The following ANKRD17 variants were observed in gnomAD, a reference collection of about 807,000 sequenced individuals.
The protein encoded by ANKRD17 is ankyrin repeat domain-containing protein 17.
A neutral mutation model predicts 229.7 loss-of-function variants in ANKRD17; 19 were observed. The observed-to-expected ratio is 0.08, with a 90% CI of 0.06 to 0.12. The LOEUF is 0.12. Ranked by LOEUF, ANKRD17 falls within the 10% of genes least tolerant of loss-of-function variation. ANKRD17 has a pLI of 1.00. For missense variants in ANKRD17, 2,176 were observed against 3,176.8 expected, an observed-to-expected ratio of 0.68 and a Z score of 7.57; for synonymous variants, 1,112 against 1,146.1, an observed-to-expected ratio of 0.97 and a Z score of 0.60.
chr4:73,135,298 T>G, intron 15 of ANKRD17, 33 bp from the exon 16 acceptor site: 3 of 1,588,042 alleles, frequency 1.9e-6, no homozygotes, highest in Non-Finnish European at 2.6e-6. Flanking sequence ...TTAATAAGGA[T>G]GAAACATTGT....
intron 1 of ANKRD17, among the ~76,000 whole-genome samples, chr4:73,247,743 T>C (rs1397755942): frequency 6.6e-6 from 1 of 152,000 alleles, no homozygotes; most frequent in African/African-American, 2.4e-5. Flanking sequence ...AAGACTCATC[T>C]CTTCAATTGA....
At chr4:73,130,928 A>G (rs1395651374) in intron 16 of ANKRD17, among the ~76,000 whole-genome samples, 1 of 152,340 alleles carries the variant, frequency 6.6e-6, no homozygotes, top group South Asian at 2.1e-4. Context: ...AAATCTCTAC[A>G]TAATTCCTCA....
chr4:73,257,834 A>G (rs1745594718), intron 1 of ANKRD17, among the ~76,000 whole-genome samples: 1 of 151,790 alleles, frequency 6.6e-6, no homozygotes, highest in Admixed American at 6.6e-5. Flanking sequence ...CCACCTCACA[A>G]CTGGGAGAAG....
intron 1 of ANKRD17, among the ~76,000 whole-genome samples, chr4:73,209,979 A>G (rs1441983600): frequency 6.6e-6 from 1 of 152,174 alleles, no homozygotes; most frequent in Non-Finnish European, 1.5e-5. Context: ...ACTACAGGTA[A>G]CAGAATACTT....
At chr4:73,114,590 CAT>C (rs1298280241) in intron 23 of ANKRD17, among the ~76,000 whole-genome samples, 1 of 152,172 alleles carries the variant, frequency 6.6e-6, no homozygotes, top group African/African-American at 2.4e-5. Flanking sequence ...CTCCCAAGTA[CAT>C]GAGACTAATG....
In ANKRD17 at chr4:73,093,394, T is replaced by TTTTTG. The variant is rs1722975198; in HGVS notation, c.5327+684_5327+685insCAAAA. On this transcript the variant is annotated intron_variant, in intron 28 of 33. Coordinates refer to ENST00000358602, the MANE Select transcript of ANKRD17 (RefSeq NM_032217.5). ...TCAAATTCTTTTTTTTTTTTTTTTT[T>TTTTTG]TTGAGGGAGTTTCACTCTTGTTGCC... 2.0e-5 allele frequency among the ~76,000 whole-genome samples: 3 copies of TTTTTG among 150,506 alleles called. No individual in the cohort carries two copies. In the South Asian group the frequency reaches 6.4e-4, roughly 32 times the overall value.
At chr4:73,116,046 A>G in intron 22 of ANKRD17, 130 bp from the exon 23 acceptor site, 1 of 697,040 alleles carries the variant, frequency 1.4e-6, no homozygotes, top group South Asian at 2.0e-5. Flanking sequence ...TACACTATAA[A>G]TGAAAAAGAG....
chr4:73,174,410 A>T (rs1279119920), intron 2 of ANKRD17, among the ~76,000 whole-genome samples: 2 of 152,206 alleles, frequency 1.3e-5, no homozygotes, highest in East Asian at 3.9e-4. Flanking sequence ...CCTTTAGCAA[A>T]ACTGGCAGAG....
At chr4:73,116,168 A>C (rs1458497021) in intron 22 of ANKRD17, among the ~76,000 whole-genome samples, 1 of 152,106 alleles carries the variant, frequency 6.6e-6, no homozygotes, top group East Asian at 1.9e-4. Flanking sequence ...AATAAAAAAA[A>C]CAATAATCCC....
chr4:73,145,066 A>G (rs901634494), intron 10 of ANKRD17, among the ~76,000 whole-genome samples: 1 of 152,180 alleles, frequency 6.6e-6, no homozygotes, highest in Non-Finnish European at 1.5e-5. Context: ...CACTGGAAAT[A>G]ATTTTAAATT....
At chr4:73,151,321 G>T in intron 7 of ANKRD17, 109 bp downstream of exon 7, 1 of 931,266 alleles carries the variant, frequency 1.1e-6, no homozygotes, top group Non-Finnish European at 1.6e-6. Context: ...ATTCAATAAG[G>T]TTCTGACAAA....
rs534371235 is a variant in ANKRD17, at chr4:73,091,174, T to C, written c.6454A>G (p.Thr2152Ala). ...GGCATAGGGTAAGTCACTGGGGCAG[T>C]AGAAGGCACCGCCACTGGAGCAGAA... ...TSSAPVAVPS[T>A]APVTYPMPQT... Residue 2152 changes from threonine to alanine, a missense_variant, in exon 29 of 34, where the codon ACT becomes GCT. Around this residue, in one of 18 missense-constraint regions of ANKRD17, gnomAD observed 424 missense variants for 454.0 expected, o/e 0.93. Transcript: ENST00000358602. 1.5e-5 allele frequency: 25 copies of C among 1,614,078 alleles called. 2 individuals are homozygous for C. The South Asian group carries it at 2.5e-4, about 16-fold the overall frequency.
At chr4:73,154,470 C>T (rs1229286763) in intron 5 of ANKRD17, among the ~76,000 whole-genome samples, 3 of 151,988 alleles carry the variant, frequency 2.0e-5, no homozygotes, top group South Asian at 4.1e-4. Context: ...CAGAGAAATG[C>T]TTCACAAGCT....
In ANKRD17 at chr4:73,089,311, C is replaced by T. The variant is rs568637271; in HGVS notation, c.6961+1356G>A. Among the ~76,000 whole-genome samples the T allele has an allele frequency of 9.2e-5, 14 of 151,896 alleles. 1 individual carries two copies. The highest frequency in any genetic ancestry group is 4.2e-4 in the South Asian group (2 of 4,790). On this transcript the variant is annotated intron_variant, in intron 29 of 33. Transcript: ENST00000358602. ...TCAGCCTCCCAAAGTGCTGGGATTACGGGCACAAGCCACCGTGCCAAGCCT... is the reference window on the plus strand; with the variant it reads ...TCAGCCTCCCAAAGTGCTGGGATTATGGGCACAAGCCACCGTGCCAAGCCT...
chr4:73,158,576 T>G (rs1409950553), intron 3 of ANKRD17, among the ~76,000 whole-genome samples: 1 of 152,186 alleles, frequency 6.6e-6, no homozygotes, highest in African/African-American at 2.4e-5. Context: ...AAATGTAATA[T>G]GACCTCTGCT....
chr4:73,121,179 C>T (rs1726677624), intron 19 of ANKRD17, 85 bp from the exon 20 acceptor site: 3 of 1,179,104 alleles, frequency 2.5e-6, no homozygotes, highest in African/African-American at 3.1e-5. Flanking sequence ...TAATTCTAAT[C>T]TAAGATTATT....
intron 1 of ANKRD17, among the ~76,000 whole-genome samples, chr4:73,212,790 G>A (rs949057009): frequency 2.0e-5 from 3 of 151,720 alleles, no homozygotes; most frequent in Non-Finnish European, 4.4e-5. Flanking sequence ...CCAAGGCACG[G>A]GGATCACCTA....
At chr4:73,245,569 C>A (rs1483431844) in intron 1 of ANKRD17, among the ~76,000 whole-genome samples, 8 of 152,194 alleles carry the variant, frequency 5.3e-5, no homozygotes, top group Non-Finnish European at 5.9e-5. Flanking sequence ...CCACTAACTG[C>A]CTGCCGTACA....
chr4:73,161,514 G>C (rs1183224382), intron 2 of ANKRD17, among the ~76,000 whole-genome samples, 166 bp from the exon 3 acceptor site: 1 of 152,190 alleles, frequency 6.6e-6, no homozygotes, highest in Non-Finnish European at 1.5e-5. Context: ...CTCTTCTCCA[G>C]TTTTCTAATA....
Sources: gnomAD v4.1 joint callset for allele counts (sites outside exome capture counted in the v4.1 genomes callset) on GRCh38, gnomAD v4.1.1 for gene constraint, gnomAD v4.1.1 regional missense constraint, MANE v1.5 for transcripts, NCBI Gene and HGNC (gene_info 2026-07-23, HGNC 2026-07-21) for gene names.